The following HTR4 variants were observed in gnomAD, a reference collection of about 807,000 sequenced individuals.
HTR4 encodes 5-hydroxytryptamine receptor 4, also known as 5-hydroxytryptamine (serotonin) receptor 4, G protein-coupled.
HTR4 carries 16 observed loss-of-function variants against 36.8 expected under a neutral mutation model. The ratio of observed to expected loss-of-function variants is 0.43; its 90% CI spans 0.29 to 0.66. HTR4 has a LOEUF of 0.66. Ranked by LOEUF, HTR4 falls within the 30% of genes least tolerant of loss-of-function variation. The probability of loss-of-function intolerance (pLI) is 0.13; values close to 1 mark genes in which losing one functional copy is unlikely to be tolerated. For missense variants in HTR4, 438 were observed against 490.9 expected, an observed-to-expected ratio of 0.89 and a Z score of 1.02; for synonymous variants, 189 against 185.1, an observed-to-expected ratio of 1.02 and a Z score of -0.17.
At chr5:148,513,542 A>C (rs1383951583) in intron 5 of HTR4, among the ~76,000 whole-genome samples, 1 of 152,154 alleles carries the variant, frequency 6.6e-6, no homozygotes, top group African/African-American at 2.4e-5. Context: ...AACTTCATAC[A>C]TCTTAGACAT....
intron 2 of HTR4, among the ~76,000 whole-genome samples, chr5:148,572,717 G>A (rs1210073233): frequency 1.3e-5 from 2 of 152,006 alleles, no homozygotes; most frequent in Non-Finnish European, 2.9e-5. Context: ...ATCATTTCCT[G>A]TCTCTAGAAC....
At chr5:148,587,641 C>G (rs1761395577) in intron 2 of HTR4, among the ~76,000 whole-genome samples, 1 of 152,162 alleles carries the variant, frequency 6.6e-6, no homozygotes, top group Non-Finnish European at 1.5e-5. Flanking sequence ...TAATTTGTGT[C>G]TGTATCTTTT....
At chr5:148,465,830 A>G (rs73266448) in intron 5 of HTR4, 1 of 1,603,426 alleles carries the variant, frequency 6.2e-7, no homozygotes, top group East Asian at 2.2e-5. Flanking sequence ...CAGACTCACA[A>G]CAGACAGTGA....
At chr5:148,614,201 C>CA (rs1221462717) in intron 2 of HTR4, among the ~76,000 whole-genome samples, 2 of 152,014 alleles carry the variant, frequency 1.3e-5, no homozygotes, top group Non-Finnish European at 2.9e-5. Context: ...CATATGGAAC[C>CA]AAAAAAGAGC....
intron 2 of HTR4, among the ~76,000 whole-genome samples, chr5:148,622,661 T>C (rs573277806): frequency 4.8e-4 from 73 of 152,230 alleles, no homozygotes; most frequent in Non-Finnish European, 9.3e-4. Flanking sequence ...CTTTTATACC[T>C]CTCAAATTTT....
chr5:148,466,302 A>G (rs1016521740), intron 5 of HTR4, among the ~76,000 whole-genome samples: 1 of 152,134 alleles, frequency 6.6e-6, no homozygotes, highest in Non-Finnish European at 1.5e-5. Context: ...ATAGTTGAAT[A>G]TATATGGCCA....
chr5:148,622,617 C>T (rs540762979), intron 2 of HTR4, among the ~76,000 whole-genome samples: 2 of 152,318 alleles, frequency 1.3e-5, no homozygotes, highest in South Asian at 4.1e-4. Context: ...CTGTTATTTA[C>T]TAGCGGTGTG....
intron 5 of HTR4, among the ~76,000 whole-genome samples, chr5:148,467,145 G>A (rs1168494677): frequency 6.6e-6 from 1 of 152,148 alleles, no homozygotes; most frequent in East Asian, 1.9e-4. Context: ...AGTGCACAAA[G>A]GGTAGCCAAA....
At chr5:148,604,130 T>C (rs1192061199) in intron 2 of HTR4, among the ~76,000 whole-genome samples, 2 of 152,140 alleles carry the variant, frequency 1.3e-5, no homozygotes, top group African/African-American at 4.8e-5. Context: ...AAAGATTTCT[T>C]AAATAAGATG....
chr5:148,568,878 C>G (rs193016340), intron 2 of HTR4, among the ~76,000 whole-genome samples: 2 of 152,178 alleles, frequency 1.3e-5, no homozygotes, highest in Admixed American at 6.6e-5. Flanking sequence ...TTTTGTAAAA[C>G]TGAACACTTG....
intron 2 of HTR4, among the ~76,000 whole-genome samples, chr5:148,567,398 T>C (rs7731872): frequency 0.022 from 3,365 of 152,242 alleles, 111 homozygotes; most frequent in African/African-American, 0.073. Context: ...TTATAGTCTA[T>C]GTGCTACACA....
chr5:148,528,817 T>G (rs988245647), intron 4 of HTR4, among the ~76,000 whole-genome samples: 1 of 152,030 alleles, frequency 6.6e-6, no homozygotes, highest in African/African-American at 2.4e-5. Context: ...GCAAGTTCTT[T>G]GGAGGGAGGT....
At chr5:148,561,841 C>G (rs1034710358) in intron 2 of HTR4, among the ~76,000 whole-genome samples, 2 of 152,186 alleles carry the variant, frequency 1.3e-5, no homozygotes, top group African/African-American at 4.8e-5. Flanking sequence ...CATAAGCACT[C>G]AAGGAAAAGT....
In HTR4 at chr5:148,531,164, G is replaced by A. The variant is rs964169831; in HGVS notation, c.354-7818C>T. On this transcript the variant is annotated intron_variant, in intron 4 of 6. Coordinates refer to ENST00000377888, the MANE Select transcript of HTR4 (RefSeq NM_000870.7). ...GAGTTAAGACTTTTGAGGGACTGTT[G>A]GGAAGGTATTATTGGTTTTAAAATG... 9.9e-5 allele frequency among the ~76,000 whole-genome samples: 15 copies of A among 152,236 alleles called. No individual in the cohort carries two copies. In the East Asian group the frequency reaches 2.7e-3, roughly 27 times the overall value.
chr5:148,600,998 A>AAAC (rs1761972752), intron 2 of HTR4, among the ~76,000 whole-genome samples: 2 of 148,902 alleles, frequency 1.3e-5, no homozygotes, highest in African/African-American at 4.9e-5. Flanking sequence ...AAAAAAAAAA[A>AAAC]AAAAACAAAT....
intron 4 of HTR4, among the ~76,000 whole-genome samples, chr5:148,526,023 C>T (rs898119655): frequency 1.1e-4 from 16 of 152,078 alleles, no homozygotes; most frequent in African/African-American, 3.6e-4. Context: ...TTAAAGTTGC[C>T]AGCAACCAGC....
At position 148,482,142 on chromosome 5, in the gene HTR4, G is replaced by A. The variant is rs1755915769; in HGVS notation, c.*1061C>T. 4 of 985,692 alleles carry A rather than the reference G, an allele frequency of 4.1e-6. No individual in the cohort carries two copies. Among genetic ancestry groups the A allele is most frequent in the Non-Finnish European group, 4.8e-6 (4 of 830,362 alleles). 61.1% of individuals were successfully genotyped at this position (985,692 alleles called of 1,614,324 possible). On this transcript the variant is annotated 3_prime_UTR_variant, in exon 7 of 7. Coordinates refer to ENST00000377888, the MANE Select transcript of HTR4 (RefSeq NM_000870.7). ...TTTGGGTCCTCTGGCTTCAAGTACA[G>A]CATTGCCTCGGCATCCCCAGTGCTG... is the stretch of plus-strand genomic sequence containing the variant.
intron 6 of HTR4, among the ~76,000 whole-genome samples, chr5:148,498,522 G>A (rs1320609702): frequency 1.3e-5 from 2 of 152,096 alleles, no homozygotes; most frequent in African/African-American, 4.8e-5. Flanking sequence ...TACTATGTTA[G>A]AGACTATACA....
intron 2 of HTR4, chr5:148,629,743 T>C (rs1301044388): frequency 6.6e-6 from 1 of 152,160 alleles, no homozygotes; most frequent in Non-Finnish European, 1.5e-5. Flanking sequence ...CACCCTCAGG[T>C]TTCTGAAGCC....
Sources: allele counts gnomAD v4.1 joint callset (sites outside exome capture counted in the v4.1 genomes callset), GRCh38; gene constraint gnomAD v4.1.1; transcripts MANE v1.5; gene names NCBI Gene and HGNC (gene_info 2026-07-23, HGNC 2026-07-21).